ZRANB1: variants seen among roughly 807,000 people sequenced by gnomAD.
ZRANB1 encodes ubiquitin thioesterase ZRANB1.
A neutral mutation model predicts 80.5 loss-of-function variants in ZRANB1; 16 were observed. The ratio of observed to expected loss-of-function variants is 0.20; its 90% CI spans 0.13 to 0.30. The LOEUF (loss-of-function observed/expected upper bound fraction) is 0.30, where lower values mean the gene tolerates loss of function less well. Ranked by LOEUF, ZRANB1 falls within the 10% of genes least tolerant of loss-of-function variation. The pLI is 1.00. For missense variants in ZRANB1, 576 were observed against 862.6 expected (o/e 0.67, Z 4.16); for synonymous variants, 291 against 293.1 (o/e 0.99, Z 0.07).
At chr10:124,936,204 AGT>A in the ZRANB1 span, among the ~76,000 whole-genome samples, 1 of 152,082 alleles carries the variant, frequency 6.6e-6, no homozygotes, top group Admixed American at 6.6e-5. Flanking sequence ...AGGAGTTGAG[AGT>A]TTATACTGTT....
the ZRANB1 span, among the ~76,000 whole-genome samples, chr10:124,917,752 T>C: frequency 6.6e-6 from 1 of 152,044 alleles, no homozygotes; most frequent in Non-Finnish European, 1.5e-5. Flanking sequence ...AGTTGCCATT[T>C]GTAGGAAAAT....
intron 1 of ZRANB1, among the ~76,000 whole-genome samples, chr10:124,952,519 A>T (rs1215102861): frequency 6.6e-6 from 1 of 152,236 alleles, no homozygotes; most frequent in Non-Finnish European, 1.5e-5. Flanking sequence ...TCTAAGACAG[A>T]AAGTTTGTGT....
At position 124,982,018 on chromosome 10, in the gene ZRANB1, GAGCATCGCAAGTATAGATT is replaced by G. The variant is rs1341867209; in HGVS notation, c.1548+202_1548+220del. On this transcript the variant is annotated intron_variant, in intron 6 of 8. Coordinates refer to ENST00000359653, the MANE Select transcript of ZRANB1 (RefSeq NM_017580.3). ...AATAAATAGCATCGCAAGTATAGAT[GAGCATCGCAAGTATAGATT>G]AGCATCGCAAGTCCTCACTGCAGAG... Among the ~76,000 whole-genome samples the G allele has an allele frequency of 7.0e-3, 1,063 of 152,130 alleles. 17 individuals carry two copies. Among genetic ancestry groups the G allele is most frequent in the African/African-American group, 0.024 (1,004 of 41,528 alleles).
In ZRANB1 at chr10:124,942,481, C is replaced by G; in HGVS notation, c.-13C>G. 6.2e-7 allele frequency: 1 copy of G among 1,614,090 alleles called. No homozygotes were observed. The highest frequency in any genetic ancestry group is 1.1e-5 in the South Asian group (1 of 91,078). On this transcript the variant is annotated 5_prime_UTR_variant, in exon 1 of 9. Transcript: ENST00000359653. ...GCTTCCTGCCTGACACAGCTCACTT[C>G]AAGAAGTGCACAATGTCAGAACGTG... is the stretch of plus-strand genomic sequence containing the variant.
chr10:124,971,084 A>G (rs1304584149), intron 2 of ZRANB1, among the ~76,000 whole-genome samples: 1 of 152,096 alleles, frequency 6.6e-6, no homozygotes, highest in Non-Finnish European at 1.5e-5. Flanking sequence ...TCGGCCTCCC[A>G]GAGTTGGTGG....
upstream of ZRANB1, chr10:124,940,626 A>G: frequency 3.2e-6 from 3 of 929,762 alleles, no homozygotes; most frequent in Non-Finnish European, 4.5e-6. Flanking sequence ...CAGAGTTCAC[A>G]CTATAAATGG....
At chr10:124,918,424 A>G in the ZRANB1 span, among the ~76,000 whole-genome samples, 1 of 152,232 alleles carries the variant, frequency 6.6e-6, no homozygotes, top group African/African-American at 2.4e-5. Context: ...CTCTGACCTC[A>G]GGTGATCTGC....
intron 1 of ZRANB1, among the ~76,000 whole-genome samples, chr10:124,963,109 T>TA (rs1395897748): frequency 1.3e-5 from 2 of 151,862 alleles, no homozygotes; most frequent in South Asian, 2.1e-4. Flanking sequence ...CTACTAAAAA[T>TA]ACAAAAATTA....
intron 1 of ZRANB1, among the ~76,000 whole-genome samples, chr10:124,955,898 G>A (rs1017017347): frequency 6.6e-6 from 1 of 152,116 alleles, no homozygotes; most frequent in African/African-American, 2.4e-5. Flanking sequence ...GTTTGGTCCG[G>A]GATTTGAAAG....
intron 1 of ZRANB1, among the ~76,000 whole-genome samples, chr10:124,953,336 G>A (rs1951658282): frequency 6.6e-6 from 1 of 152,114 alleles, no homozygotes; most frequent in Non-Finnish European, 1.5e-5. Flanking sequence ...AGGTACAGAG[G>A]GACTGACTAG....
the ZRANB1 span, among the ~76,000 whole-genome samples, chr10:124,925,660 G>A: frequency 5.9e-5 from 9 of 152,102 alleles, no homozygotes; most frequent in Admixed American, 5.9e-4. Context: ...GACAATTTAT[G>A]TTTTCTTCTA....
the ZRANB1 span, among the ~76,000 whole-genome samples, chr10:124,931,464 A>G: frequency 1.3e-5 from 2 of 151,914 alleles, no homozygotes; most frequent in African/African-American, 4.8e-5. Flanking sequence ...TTTGCCTCCT[A>G]GGTTCAAGTG....
At chr10:124,937,153 GTT>G (rs1382349429), upstream of ZRANB1, among the ~76,000 whole-genome samples, 1 of 148,546 alleles carries the variant, frequency 6.7e-6, no homozygotes, top group East Asian at 2.0e-4. Context: ...TGTTTCCTGA[GTT>G]TGCACTTGAA....
chr10:124,982,570 T>C (rs1224337318), intron 6 of ZRANB1, among the ~76,000 whole-genome samples: 1 of 152,120 alleles, frequency 6.6e-6, no homozygotes, highest in Non-Finnish European at 1.5e-5. Flanking sequence ...TACAAATATA[T>C]ATACAACTAC....
At chr10:124,942,107 A>C, upstream of ZRANB1, 1 of 1,029,800 alleles carries the variant, frequency 9.7e-7, no homozygotes, top group Non-Finnish European at 1.2e-6. Flanking sequence ...ACTATTGGTT[A>C]CTTTTCTAAA....
At chr10:124,936,350 A>G in the ZRANB1 span, among the ~76,000 whole-genome samples, 13 of 152,368 alleles carry the variant, frequency 8.5e-5, no homozygotes, top group African/African-American at 3.1e-4. Context: ...ATGAGAAGAC[A>G]GTAATTAGAT....
At position 124,986,179 on chromosome 10, in the gene ZRANB1, A is replaced by G. The variant is rs1238783207; in HGVS notation, c.*1187A>G. 1.3e-5 allele frequency: 2 copies of G among 152,498 alleles called. No homozygotes were observed. The highest frequency in any genetic ancestry group is 2.9e-5 in the Non-Finnish European group (2 of 67,980). The allele number at this position is 152,498 out of a possible 1,614,324, so 9.4% of individuals were successfully genotyped here. ...CAGGTATACATTCAATACTGGGTAAAAATTTCAGACCTATCTCAGGAACAC... is the reference window on the plus strand; with the variant it reads ...CAGGTATACATTCAATACTGGGTAAGAATTTCAGACCTATCTCAGGAACAC... On this transcript the variant is annotated 3_prime_UTR_variant, in exon 9 of 9. Coordinates refer to ENST00000359653, the MANE Select transcript of ZRANB1 (RefSeq NM_017580.3).
At chr10:124,958,474 A>G (rs186288614) in intron 1 of ZRANB1, among the ~76,000 whole-genome samples, 5 of 152,378 alleles carry the variant, frequency 3.3e-5, no homozygotes, top group Non-Finnish European at 7.3e-5. Context: ...GCTATGAAAA[A>G]ATAAAAATAG....
At chr10:124,929,944 C>CAAAA in the ZRANB1 span, among the ~76,000 whole-genome samples, 8 of 87,790 alleles carry the variant, frequency 9.1e-5, no homozygotes, top group Admixed American at 3.7e-4. Context: ...GACTCTGTCT[C>CAAAA]AAAAAAAAAA....
Sources: gnomAD v4.1 joint callset for allele counts (sites outside exome capture counted in the v4.1 genomes callset) on GRCh38, gnomAD v4.1.1 for gene constraint, MANE v1.5 for transcripts, NCBI Gene and HGNC (gene_info 2026-07-23, HGNC 2026-07-21) for gene names.